EP400: variants seen among roughly 807,000 people sequenced by gnomAD.
EP400 encodes E1A-binding protein p400.
A neutral mutation model predicts 354.1 loss-of-function variants in EP400; 105 were observed. The ratio of observed to expected loss-of-function variants is 0.30; its 90% CI spans 0.25 to 0.35. EP400 has a LOEUF of 0.35. Ranked by LOEUF, EP400 falls within the 10% of genes least tolerant of loss-of-function variation. The probability of loss-of-function intolerance (pLI) is 1.00; values close to 1 mark genes in which losing one functional copy is unlikely to be tolerated. For missense variants in EP400, 3,280 were observed against 4,121.0 expected, an observed-to-expected ratio of 0.80 and a Z score of 5.59; for synonymous variants, 1,646 against 1,716.9, an observed-to-expected ratio of 0.96 and a Z score of 1.02.
rs1490877530 is a variant in EP400 at position 132,079,453 on chromosome 12, C to T, written c.*1780C>T. The T allele has an allele frequency of 6.6e-6, 1 of 152,276 alleles. No homozygotes were observed. The highest frequency in any genetic ancestry group is 1.5e-5 in the Non-Finnish European group (1 of 68,046). 9.4% of individuals were successfully genotyped at this position (152,276 alleles called of 1,614,324 possible). A position where few individuals can be genotyped will look rare whatever the true frequency, so the allele number is the denominator to read the frequency against. On this transcript the variant is annotated 3_prime_UTR_variant, in exon 53 of 53. Transcript: ENST00000389561. ...CCCAGTGGAAACTTTTACTCCTCCTCATCCGCAGATGTGATAGAACTGAAG... is the reference window on the plus strand; with the variant it reads ...CCCAGTGGAAACTTTTACTCCTCCTTATCCGCAGATGTGATAGAACTGAAG...
At chr12:131,989,841 G>T in intron 7 of EP400, 123 bp from the exon 8 acceptor site, 1 of 1,081,812 alleles carries the variant, frequency 9.2e-7, no homozygotes, top group Non-Finnish European at 1.3e-6. Flanking sequence ...AGCATACGAG[G>T]ATGTATATGA....
At position 132,029,389 on chromosome 12, in the gene EP400, A is replaced by G. The variant is rs192684999; in HGVS notation, c.5382-312A>G. 8 of 431,134 alleles carry G rather than the reference A, an allele frequency of 1.9e-5. No homozygotes were observed. Among genetic ancestry groups the G allele is most frequent in the Admixed American group, 7.8e-5 (2 of 25,748 alleles). 26.7% of individuals were successfully genotyped at this position (431,134 alleles called of 1,614,324 possible). On this transcript the variant is annotated intron_variant, in intron 27 of 52. Coordinates refer to ENST00000389561, the MANE Select transcript of EP400 (RefSeq NM_015409.5). This position sits in a 1 kb window ranked among gnomAD's most constrained non-coding sequence, Gnocchi z 4.7. Reference sequence around the variant, plus strand: ...TTTGTCCCAAAGTTTCCAGCTGAAGACACACTAGAAAGAGAATGGCTTATC... The same window carrying G: ...TTTGTCCCAAAGTTTCCAGCTGAAGGCACACTAGAAAGAGAATGGCTTATC...
chr12:131,993,392 A>G (rs546763868), intron 11 of EP400, among the ~76,000 whole-genome samples: 1 of 152,264 alleles, frequency 6.6e-6, no homozygotes, highest in African/African-American at 2.4e-5. Flanking sequence ...TTCAGACAAC[A>G]AGAGAAGCAC....
chr12:132,033,675 G>T (rs1894599164), intron 30 of EP400, among the ~76,000 whole-genome samples: 1 of 151,960 alleles, frequency 6.6e-6, no homozygotes, highest in African/African-American at 2.4e-5. Context: ...GGGACTACAG[G>T]TGTGCAGTAC....
Position 131,961,517 on chromosome 12 carries a change from G to C in EP400, c.898G>C (p.Val300Leu). Reference sequence around the variant, plus strand: ...CCTGGGCTTCGAGAGGACACCCGGCGTGCTGCTCCCCGGGGCTGGGGGCGC... The same window carrying C: ...CCTGGGCTTCGAGAGGACACCCGGCCTGCTGCTCCCCGGGGCTGGGGGCGC... ...RPLGFERTPG[V>L]LLPGAGGAAG... The change falls in exon 2 of 53, where the codon GTG becomes CTG. Residue 300 changes from valine to leucine, a missense_variant. Physicochemically the swap from Val to Leu is conservative, Grantham distance 32. This residue lies in a region of EP400 where 85 missense variants were observed against 180.3 expected (regional missense o/e 0.47). Transcript: ENST00000389561. 1 of 1,578,930 alleles carries C rather than the reference G, an allele frequency of 6.3e-7. No individual in the cohort carries two copies. Among genetic ancestry groups the C allele is most frequent in the Non-Finnish European group, 8.6e-7 (1 of 1,161,392 alleles).
rs778262960 is a variant in EP400 at position 132,013,479 on chromosome 12, C to G, written c.3612-11C>G. ...GTAGAACTCCAGTGTTGTCTCTTGTCCTGTTTGCAGCCAACAACGTCTGCT... is the reference window on the plus strand; with the variant it reads ...GTAGAACTCCAGTGTTGTCTCTTGTGCTGTTTGCAGCCAACAACGTCTGCT... On this transcript the variant is annotated splice_polypyrimidine_tract_variant and intron_variant, in intron 17 of 52. Transcript: ENST00000389561. This position sits in a 1 kb window ranked among gnomAD's most constrained non-coding sequence, Gnocchi z 4.5. 13 of 1,550,592 alleles carry G rather than the reference C, an allele frequency of 8.4e-6. No individual in the cohort carries two copies. In the South Asian group the frequency reaches 1.5e-4, roughly 18 times the overall value.
At chr12:131,959,750 T>G (rs1891814794) in intron 1 of EP400, among the ~76,000 whole-genome samples, 1 of 152,168 alleles carries the variant, frequency 6.6e-6, no homozygotes, top group Non-Finnish European at 1.5e-5. Context: ...GGGAGAATGT[T>G]GAGATCTGAG....
intron 48 of EP400, 163 bp from the exon 49 acceptor site, chr12:132,066,611 C>A: frequency 1.4e-6 from 1 of 723,042 alleles, no homozygotes; most frequent in South Asian, 2.1e-5. Context: ...TGACATTTCC[C>A]TGCGGCGTGC....
At chr12:131,963,642 G>A in intron 2 of EP400, 1 of 1,596,752 alleles carries the variant, frequency 6.3e-7, no homozygotes, top group Non-Finnish European at 8.5e-7. Context: ...AACCATTTCA[G>A]GTACTTTTCG....
chr12:131,985,031 T>C (rs1379017503), intron 5 of EP400, among the ~76,000 whole-genome samples: 1 of 152,126 alleles, frequency 6.6e-6, no homozygotes, highest in Non-Finnish European at 1.5e-5. Context: ...TTTTTTTTAC[T>C]TTTTAGTAGA....
chr12:132,015,215 G>A (rs1593347862), intron 19 of EP400, among the ~76,000 whole-genome samples: 1 of 152,252 alleles, frequency 6.6e-6, no homozygotes, highest in South Asian at 2.1e-4. Context: ...AAATGACACA[G>A]TACAACCGTC....
chr12:131,958,166 T>C (rs963554934), intron 1 of EP400, among the ~76,000 whole-genome samples: 1 of 152,240 alleles, frequency 6.6e-6, no homozygotes, highest in Non-Finnish European at 1.5e-5. Flanking sequence ...ACTAATCTCC[T>C]ATCATAATGT....
rs1893760754 is a variant in EP400 at position 132,011,430 on chromosome 12, GAC to G, written c.3305-64_3305-63del. 1.5e-5 allele frequency: 23 copies of G among 1,579,118 alleles called. No individual in the cohort carries two copies. In the South Asian group the frequency reaches 2.2e-4, roughly 15 times the overall value. ...CATACTGATGAAGCGTCTCTGGTCAGACACAGTGCTAGGTGCCTGGACATGAC... is the reference window on the plus strand; with the variant it reads ...CATACTGATGAAGCGTCTCTGGTCAGACAGTGCTAGGTGCCTGGACATGAC... On this transcript the variant is annotated intron_variant, in intron 15 of 52. Transcript: ENST00000389561.
In EP400 at chr12:131,960,807, A is replaced by C; in HGVS notation, c.188A>C (p.Asn63Thr). The C allele has an allele frequency of 1.9e-6, 3 of 1,613,506 alleles. No individual in the cohort carries two copies. The highest frequency in any genetic ancestry group is 2.5e-6 in the Non-Finnish European group (3 of 1,179,928). Reference sequence around the variant, plus strand: ...AGTTATCAAATACAGCAGCTGATGAATAGGAGCCCTGCAACCGGGCAGAAC... The same window carrying C: ...AGTTATCAAATACAGCAGCTGATGACTAGGAGCCCTGCAACCGGGCAGAAC... Reference protein sequence around the residue: ...SPSYQIQQLMNRSPATGQNVN... With the variant: ...SPSYQIQQLMTRSPATGQNVN... The change falls in exon 2 of 53, where the codon AAT becomes ACT. Residue 63 changes from asparagine (N) to threonine (T), a missense_variant. This residue lies in a region of EP400 where 172 missense variants were observed against 242.9 expected (regional missense o/e 0.71). Coordinates refer to ENST00000389561, the MANE Select transcript of EP400 (RefSeq NM_015409.5).
At chr12:132,011,025 G>A (rs963327942) in intron 15 of EP400, among the ~76,000 whole-genome samples, 2 of 152,208 alleles carry the variant, frequency 1.3e-5, no homozygotes, top group African/African-American at 4.8e-5. Flanking sequence ...CCTGACTAAA[G>A]CTTGGGAAGC....
At chr12:132,010,279 G>A (rs1045730881) in intron 15 of EP400, among the ~76,000 whole-genome samples, 1 of 151,824 alleles carries the variant, frequency 6.6e-6, no homozygotes, top group Admixed American at 6.6e-5. Flanking sequence ...TAGAGACAGG[G>A]TTTCACCATA....
chr12:132,029,448 C>T lies in EP400; in HGVS notation c.5382-253C>T, dbSNP rs1894413602. The T allele has an allele frequency of 7.4e-6, 4 of 541,324 alleles. No individual in the cohort carries two copies. Among genetic ancestry groups the T allele is most frequent in the Middle Eastern group, 4.8e-4 (1 of 2,090 alleles). 33.5% of individuals were successfully genotyped at this position (541,324 alleles called of 1,614,324 possible). On this transcript the variant is annotated intron_variant, in intron 27 of 52. Transcript: ENST00000389561. The surrounding 1 kb of genome is among the most constrained non-coding windows in gnomAD (Gnocchi z 4.7). ...GGTGCCTGCGGCCTAGGGAATCCACCCCCATTGATCCATCAGCCCTGGACT... is the reference window on the plus strand; with the variant it reads ...GGTGCCTGCGGCCTAGGGAATCCACTCCCATTGATCCATCAGCCCTGGACT...
At chr12:131,962,533 G>T (rs1891924537) in intron 2 of EP400, among the ~76,000 whole-genome samples, 1 of 152,156 alleles carries the variant, frequency 6.6e-6, no homozygotes, top group Non-Finnish European at 1.5e-5. Context: ...GCAAAAAACT[G>T]TTTGAGAAGT....
chr12:131,970,396 C>T (rs1332917272), intron 2 of EP400, among the ~76,000 whole-genome samples: 4 of 152,198 alleles, frequency 2.6e-5, no homozygotes, highest in Non-Finnish European at 5.9e-5. Context: ...TATTTGGAAA[C>T]GTTTTGCATC....
Sources: gnomAD v4.1 joint callset for allele counts (sites outside exome capture counted in the v4.1 genomes callset) on GRCh38, gnomAD v4.1.1 for gene constraint, gnomAD v4.1.1 regional missense constraint, Gnocchi (gnomAD v3.1) non-coding constraint, MANE v1.5 for transcripts, NCBI Gene and HGNC (gene_info 2026-07-23, HGNC 2026-07-21) for gene names.